MNS1: variants seen among roughly 807,000 people sequenced by gnomAD.
The protein encoded by MNS1 is meiosis-specific nuclear structural protein 1.
MNS1 carries 63 observed loss-of-function variants against 72.0 expected under a neutral mutation model. The ratio of observed to expected loss-of-function variants is 0.87; its 90% confidence interval spans 0.71 to 1.08. The LOEUF (loss-of-function observed/expected upper bound fraction) is 1.08. Among genes scored for constraint, MNS1 ranks in the 50% least tolerant of loss-of-function variants. The probability of loss-of-function intolerance (pLI) is 0.00; values close to 1 mark genes in which losing one functional copy is unlikely to be tolerated. For missense variants in MNS1, 604 were observed against 562.4 expected (o/e 1.07, Z -0.75); for synonymous variants, 188 against 172.1 (o/e 1.09, Z -0.72).
At chr15:56,437,778 C>CA (rs2050753512) in intron 7 of MNS1, among the ~76,000 whole-genome samples, 1 of 152,186 alleles carries the variant, frequency 6.6e-6, no homozygotes, top group Admixed American at 6.5e-5. Context: ...TCTCAGGATA[C>CA]AAAATCAATG....
chr15:56,443,731 G>A lies in MNS1; in HGVS notation c.810C>T (p.Ile270=), dbSNP rs138479106. 4 of 1,613,050 alleles carry A rather than the reference G, an allele frequency of 2.5e-6. No individual in the cohort carries two copies. Among genetic ancestry groups the A allele is most frequent in the Non-Finnish European group, 3.4e-6 (4 of 1,179,632 alleles). Residue 270 remains isoleucine, a synonymous_variant, in exon 6 of 10, where the codon ATC becomes ATT. Coordinates refer to ENST00000260453, the MANE Select transcript of MNS1 (RefSeq NM_018365.4). Reference sequence around the variant, plus strand: ...GCTGCTGCATGTTAGCAAACTCTATGATTTTTCTGTTTTCTTCTTCCATCT... The same window carrying A: ...GCTGCTGCATGTTAGCAAACTCTATAATTTTTCTGTTTTCTTCTTCCATCT... ...REEMEEENRK[I]IEFANMQQQR... is the part of the protein sequence containing the mutation.
intron 3 of MNS1, among the ~76,000 whole-genome samples, chr15:56,448,428 C>T (rs2050923629): frequency 6.6e-6 from 1 of 152,062 alleles, no homozygotes; most frequent in African/African-American, 2.4e-5. Flanking sequence ...CTGTTGTTCC[C>T]ATATATGTCT....
intron 2 of MNS1, among the ~76,000 whole-genome samples, chr15:56,457,402 T>C (rs1041899743): frequency 6.6e-6 from 1 of 152,144 alleles, no homozygotes; most frequent in Admixed American, 6.5e-5. Context: ...TACGTACCTA[T>C]TGGAATGGCT....
At chr15:56,461,660 C>CA (rs11294380) in intron 2 of MNS1, among the ~76,000 whole-genome samples, 17,686 of 57,126 alleles carry the variant, frequency 0.31, 3,635 homozygotes, top group Middle Eastern at 0.5. Flanking sequence ...GACTCTGTCT[C>CA]AAAAAAAAAA....
intron 2 of MNS1, 150 bp from the exon 3 acceptor site, chr15:56,456,671 T>C (rs2050983707): frequency 1.2e-6 from 1 of 846,108 alleles, no homozygotes; most frequent in African/African-American, 1.8e-5. Flanking sequence ...TTTCAATAAA[T>C]ACTTTTTCAA....
At chr15:56,433,367 T>A (rs2050651345) in intron 8 of MNS1, among the ~76,000 whole-genome samples, 1 of 151,976 alleles carries the variant, frequency 6.6e-6, no homozygotes, top group Non-Finnish European at 1.5e-5. Context: ...CCATGGCACA[T>A]GTATACCTGT....
chr15:56,452,522 CTTT>C (rs200065158), intron 3 of MNS1, among the ~76,000 whole-genome samples: 2 of 138,860 alleles, frequency 1.4e-5, no homozygotes, highest in Non-Finnish European at 1.6e-5. Context: ...TTCTTTTTTT[CTTT>C]TTTTTTTTTT....
At chr15:56,441,563 C>A (rs892332829) in intron 7 of MNS1, among the ~76,000 whole-genome samples, 2 of 151,996 alleles carry the variant, frequency 1.3e-5, no homozygotes, top group East Asian at 3.9e-4. Context: ...ACAAGTGGGA[C>A]CTAGTTAAAC....
chr15:56,432,218 A>G (rs1360738509), intron 8 of MNS1, among the ~76,000 whole-genome samples: 1 of 152,232 alleles, frequency 6.6e-6, no homozygotes, highest in Non-Finnish European at 1.5e-5. Flanking sequence ...GATTTTCCTA[A>G]GAAGGATCTG....
At chr15:56,437,549 C>G (rs2050748558) in intron 7 of MNS1, among the ~76,000 whole-genome samples, 2 of 152,102 alleles carry the variant, frequency 1.3e-5, no homozygotes, top group South Asian at 2.1e-4. Flanking sequence ...CCTTTGAAAA[C>G]TGGCACAAGA....
chr15:56,460,009 A>AAAAAATATAT lies in MNS1; in HGVS notation c.226-3489_226-3488insATATATTTTT. Among the ~76,000 whole-genome samples the AAAAAATATAT allele has an allele frequency of 7.0e-3, 183 of 26,320 alleles. 36 individuals carry two copies. The highest frequency in any genetic ancestry group is 0.048 in the South Asian group (32 of 662). 17.3% of individuals were successfully genotyped at this position (26,320 alleles called of 152,430 possible). A position where few individuals can be genotyped will look rare whatever the true frequency, so the allele number is the denominator to read the frequency against. ...CTGTCTCAAAAAAAAAAAAAAAAAA[A>AAAAAATATAT]ATACATATATATATATATATATATA... On this transcript the variant is annotated intron_variant, in intron 2 of 9. Coordinates refer to ENST00000260453, the MANE Select transcript of MNS1 (RefSeq NM_018365.4).
Position 56,443,865 on chromosome 15 carries a change from AT to A in MNS1, c.687-12del. ...TTTTGTTGTTTTTCCCTGAAAAGCAATAACAAGTACAGATTTATAGTAAACA... is the reference window on the plus strand; with the variant it reads ...TTTTGTTGTTTTTCCCTGAAAAGCAAAACAAGTACAGATTTATAGTAAACA... On this transcript the variant is annotated splice_polypyrimidine_tract_variant and intron_variant, in intron 5 of 9. Transcript: ENST00000260453. 1.9e-6 allele frequency: 3 copies of A among 1,575,728 alleles called. No individual in the cohort carries two copies. The highest frequency in any genetic ancestry group is 1.7e-6 in the Non-Finnish European group (2 of 1,157,840).
At chr15:56,460,526 T>A (rs1232869764) in intron 2 of MNS1, among the ~76,000 whole-genome samples, 1 of 152,202 alleles carries the variant, frequency 6.6e-6, no homozygotes, top group African/African-American at 2.4e-5. Context: ...CCATGAAAGC[T>A]AAATTCTCCA....
rs770540254 is a variant in MNS1, at chr15:56,431,337, T to C, written c.1395+36A>G. 29 of 1,603,542 alleles carry C rather than the reference T, an allele frequency of 1.8e-5. 1 individual carries two copies. In the South Asian group the frequency reaches 2.3e-4, roughly 13 times the overall value. On this transcript the variant is annotated intron_variant, in intron 9 of 9. Coordinates refer to ENST00000260453, the MANE Select transcript of MNS1 (RefSeq NM_018365.4). ...ACCATGTTTTTTTCACTATTACAGG[T>C]CATGAAGATTACAACTTGAGATAAA...
intron 3 of MNS1, among the ~76,000 whole-genome samples, chr15:56,453,968 A>G (rs2050964200): frequency 6.6e-6 from 1 of 152,180 alleles, no homozygotes; most frequent in Non-Finnish European, 1.5e-5. Flanking sequence ...GCACCAGAGC[A>G]GTTCCCTGAA....
intron 2 of MNS1, among the ~76,000 whole-genome samples, chr15:56,460,232 T>G (rs1370087707): frequency 6.6e-6 from 1 of 151,510 alleles, no homozygotes; most frequent in Admixed American, 6.6e-5. Flanking sequence ...TTAGTTGCAT[T>G]CCAAGGAACA....
At chr15:56,434,558 G>A (rs541958461) in intron 7 of MNS1, among the ~76,000 whole-genome samples, 163 bp from the exon 8 acceptor site, 80 of 152,160 alleles carry the variant, frequency 5.3e-4, no homozygotes, top group African/African-American at 1.8e-3. Flanking sequence ...TTTAAAACTA[G>A]CTGGATAAAG....
chr15:56,448,045 C>CA (rs2140365909), intron 3 of MNS1, among the ~76,000 whole-genome samples: 1 of 152,290 alleles, frequency 6.6e-6, no homozygotes, highest in East Asian at 1.9e-4. Flanking sequence ...TATCTATTCA[C>CA]ATGCTGATAG....
At chr15:56,434,521 G>C in intron 7 of MNS1, 126 bp from the exon 8 acceptor site, 1 of 1,008,042 alleles carries the variant, frequency 9.9e-7, no homozygotes, top group Non-Finnish European at 1.4e-6. Context: ...AAAAAGTAAG[G>C]CTTTTCATGA....
Sources: allele counts gnomAD v4.1 joint callset (sites outside exome capture counted in the v4.1 genomes callset), GRCh38; gene constraint gnomAD v4.1.1; transcripts MANE v1.5; gene names NCBI Gene and HGNC (gene_info 2026-07-23, HGNC 2026-07-21).